Variants in CACNB2 observed in about 807,000 individuals in gnomAD.
CACNB2 encodes calcium voltage-gated channel auxiliary subunit beta 2.
Under a neutral mutation model 73.3 loss-of-function variants are expected in CACNB2, and 42 were observed. The ratio of observed to expected loss-of-function variants is 0.57; its 90% CI spans 0.45 to 0.74. The LOEUF (loss-of-function observed/expected upper bound fraction) is 0.74, where lower values mean the gene tolerates loss of function less well. CACNB2 is among the 30% of genes least tolerant of loss of function. The probability of loss-of-function intolerance (pLI) is 0.00; values close to 1 mark genes in which losing one functional copy is unlikely to be tolerated. For synonymous variants in CACNB2, 348 were observed against 310.3 expected, an observed-to-expected ratio of 1.12 and a Z score of -1.28; for missense variants, 940 against 853.0, an observed-to-expected ratio of 1.10 and a Z score of -1.27.
intron 2 of CACNB2, among the ~76,000 whole-genome samples, chr10:18,278,727 A>C (rs145215887): frequency 3.8e-4 from 58 of 152,170 alleles, no homozygotes; most frequent in African/African-American, 1.4e-3. Flanking sequence ...AAATTTTTTA[A>C]AAAAACTTCT....
At chr10:18,185,287 A>T (rs1264768528) in intron 2 of CACNB2, among the ~76,000 whole-genome samples, 1 of 152,232 alleles carries the variant, frequency 6.6e-6, no homozygotes, top group African/African-American at 2.4e-5. Context: ...AACAAAATTT[A>T]AAAAGTTTGT....
chr10:18,348,611 C>G (rs2041574140), intron 2 of CACNB2, among the ~76,000 whole-genome samples: 1 of 152,096 alleles, frequency 6.6e-6, no homozygotes, highest in Non-Finnish European at 1.5e-5. Flanking sequence ...CCTCCTGATT[C>G]TCCTGCCTCA....
chr10:18,499,243 A>G (rs141537864), intron 4 of CACNB2, among the ~76,000 whole-genome samples: 85 of 152,288 alleles, frequency 5.6e-4, no homozygotes, highest in African/African-American at 1.9e-3. Context: ...GGTATATATA[A>G]TATGTCATAG....
intron 2 of CACNB2, among the ~76,000 whole-genome samples, chr10:18,373,275 G>A (rs10764447): frequency 0.23 from 35,245 of 152,016 alleles, 4,660 homozygotes; most frequent in East Asian, 0.67. Flanking sequence ...AAACCTTTAT[G>A]AAATCCAGGC....
Position 18,506,626 on chromosome 10 carries a change from G to A in CACNB2, c.670+79G>A, listed in dbSNP as rs189773039. 3.0e-3 allele frequency: 2,654 copies of A among 885,928 alleles called. 4 individuals carry two copies. Among genetic ancestry groups the A allele is most frequent in the Non-Finnish European group, 4.4e-3 (2,314 of 523,748 alleles). 54.9% of individuals were successfully genotyped at this position (885,928 alleles called of 1,614,324 possible). A position where few individuals can be genotyped will look rare whatever the true frequency, so the allele number is the denominator to read the frequency against. On this transcript the variant is annotated intron_variant, in intron 6 of 13. Coordinates refer to ENST00000324631, the MANE Select transcript of CACNB2 (RefSeq NM_201596.3). The stretch of plus-strand genomic sequence containing the variant: ...GCTCTATCCAGTTTTGTGAATTTAC[G>A]TATACACTGAATCACTATGTTAACC...
chr10:18,164,122 A>G (rs911392519), intron 2 of CACNB2, among the ~76,000 whole-genome samples: 4 of 152,224 alleles, frequency 2.6e-5, no homozygotes, highest in African/African-American at 9.6e-5. Context: ...AACTTTTACG[A>G]CAGATAAAAT....
At chr10:18,220,228 TATATAGAG>T (rs1470499393) in intron 2 of CACNB2, among the ~76,000 whole-genome samples, 390 of 40,836 alleles carry the variant, frequency 9.6e-3, no homozygotes, top group Non-Finnish European at 0.011. Context: ...TATATATATA[TATATAGAG>T]AGAGAGAGAG....
intron 3 of CACNB2, among the ~76,000 whole-genome samples, chr10:18,432,404 A>T (rs2132842044): frequency 6.6e-6 from 1 of 152,108 alleles, no homozygotes; most frequent in Admixed American, 6.5e-5. Flanking sequence ...CATAAGTTAA[A>T]ACTTAACACA....
chr10:18,481,154 A>T (rs1404761244), intron 3 of CACNB2, among the ~76,000 whole-genome samples: 3 of 133,218 alleles, frequency 2.3e-5, no homozygotes, highest in African/African-American at 8.3e-5. Context: ...AAAATCTTTG[A>T]CCAAGAGGTG....
At chr10:18,259,555 A>G (rs2037433584) in intron 2 of CACNB2, among the ~76,000 whole-genome samples, 1 of 130,384 alleles carries the variant, frequency 7.7e-6, no homozygotes, top group African/African-American at 3.1e-5. Flanking sequence ...AAAAAAAACA[A>G]AAAACAAACA....
intron 3 of CACNB2, among the ~76,000 whole-genome samples, chr10:18,438,518 C>T (rs2046260428): frequency 6.6e-6 from 1 of 152,144 alleles, no homozygotes; most frequent in Non-Finnish European, 1.5e-5. Context: ...GCTGCAGCCT[C>T]GCGGTCCCTC....
chr10:18,534,332 A>G, intron 11 of CACNB2, 105 bp downstream of exon 11: 1 of 991,150 alleles, frequency 1.0e-6, no homozygotes, highest in South Asian at 1.3e-5. Context: ...TATGATGTAT[A>G]GAGAATTTGA....
chr10:18,158,119 A>T (rs1361704464), intron 2 of CACNB2, among the ~76,000 whole-genome samples: 1 of 152,154 alleles, frequency 6.6e-6, no homozygotes, highest in African/African-American at 2.4e-5. Flanking sequence ...GTCCTTTTTG[A>T]AAAGAAAAAT....
At position 18,391,584 on chromosome 10, in the gene CACNB2, G is replaced by A. The variant is rs193299774; in HGVS notation, c.214-10340G>A. Among the ~76,000 whole-genome samples the A allele has an allele frequency of 7.2e-5, 11 of 152,162 alleles. No homozygotes were observed. In the East Asian group the frequency reaches 2.1e-3, roughly 29 times the overall value. On this transcript the variant is annotated intron_variant, in intron 2 of 13. Coordinates refer to ENST00000324631, the MANE Select transcript of CACNB2 (RefSeq NM_201596.3). Reference sequence around the variant, plus strand: ...TCGTGGGTGTTATATCCTAATCAAGGGAGACATATACTAAACAATATCGTA... The same window carrying A: ...TCGTGGGTGTTATATCCTAATCAAGAGAGACATATACTAAACAATATCGTA...
At chr10:18,452,499 C>G (rs1365016378) in intron 3 of CACNB2, among the ~76,000 whole-genome samples, 2 of 152,198 alleles carry the variant, frequency 1.3e-5, no homozygotes, top group Admixed American at 1.3e-4. Flanking sequence ...AAAAGACTAT[C>G]TTCAATTAAT....
intron 3 of CACNB2, among the ~76,000 whole-genome samples, chr10:18,491,201 C>G (rs773074758): frequency 2.6e-5 from 4 of 152,216 alleles, no homozygotes; most frequent in Non-Finnish European, 4.4e-5. Context: ...AGAATCAGTT[C>G]TATTCATCAG....
In CACNB2 at chr10:18,225,581, CT is replaced by C. The variant is rs1554773369; in HGVS notation, c.213+74608del. Among the ~76,000 whole-genome samples, 62 of 12,112 alleles carry C rather than the reference CT, an allele frequency of 5.1e-3. 1 individual carries two copies. Among genetic ancestry groups the C allele is most frequent in the Admixed American group, 0.013 (10 of 770 alleles). The allele number at this position is 12,112 out of a possible 152,430, so 7.9% of individuals were successfully genotyped here. On this transcript the variant is annotated intron_variant, in intron 2 of 13. Transcript: ENST00000324631. ...CCCTCCCTCCCTCCCTCCCTCGCTC[CT>C]TCCTTCCTTCCTTCCTTCCTTTCTT... is the stretch of plus-strand genomic sequence containing the variant.
intron 2 of CACNB2, among the ~76,000 whole-genome samples, chr10:18,298,732 A>G (rs1319200414): frequency 6.6e-6 from 1 of 152,196 alleles, no homozygotes. Flanking sequence ...CAGAGAAAAC[A>G]TGCCACCTTC....
At chr10:18,280,693 T>C (rs2038504575) in intron 2 of CACNB2, among the ~76,000 whole-genome samples, 1 of 152,208 alleles carries the variant, frequency 6.6e-6, no homozygotes. Context: ...TTTACAAATT[T>C]CAAGTAACTT....
Sources: gnomAD v4.1 joint callset for allele counts (sites outside exome capture counted in the v4.1 genomes callset) on GRCh38, gnomAD v4.1.1 for gene constraint, MANE v1.5 for transcripts, NCBI Gene and HGNC (gene_info 2026-07-23, HGNC 2026-07-21) for gene names.